Variants in TWSG1 observed in about 807,000 individuals in gnomAD.
TWSG1 encodes the protein twisted gastrulation BMP signaling modulator 1, also known as twisted gastrulation protein homolog 1.
Under a neutral mutation model 23.0 loss-of-function variants are expected in TWSG1, and 15 were observed. The ratio of observed to expected loss-of-function variants is 0.65; its 90% CI spans 0.44 to 1.00. TWSG1 has a LOEUF of 1.00. TWSG1 is among the 50% of genes least tolerant of loss of function. The pLI is 0.00. For synonymous variants in TWSG1, 86 were observed against 92.8 expected (o/e 0.93, Z 0.42); for missense variants, 242 against 278.7 (o/e 0.87, Z 0.94).
rs183181464 is a variant in TWSG1, at chr18:9,377,240, A to G, written c.223+17169A>G. 2.3e-3 allele frequency among the ~76,000 whole-genome samples: 335 copies of G among 143,414 alleles called. 3 individuals are homozygous for G. The highest frequency in any genetic ancestry group is 0.021 in the Middle Eastern group (6 of 282). 94.1% of individuals were successfully genotyped at this position (143,414 alleles called of 152,430 possible). A position where few individuals can be genotyped will look rare whatever the true frequency, so the allele number is the denominator to read the frequency against. On this transcript the variant is annotated intron_variant, in intron 3 of 4. Coordinates refer to ENST00000262120, the MANE Select transcript of TWSG1 (RefSeq NM_020648.6). ...CTTTTTCTTTTTTTTTTTTGGGGGG[A>G]CAGAGTCTTGCTCTGTTGCCCAGGC...
intron 4 of TWSG1, 155 bp downstream of exon 4, chr18:9,396,701 A>T (rs1305714646): frequency 1.1e-5 from 10 of 925,698 alleles, no homozygotes; most frequent in Non-Finnish European, 1.6e-5. Context: ...CCCTGATCCC[A>T]TCATATCTAG....
Position 9,344,946 on chromosome 18 carries a change from G to T in TWSG1, c.123+7594G>T, listed in dbSNP as rs1263343312. ...AAATTTTTAAATTCTTTATAGGGAT[G>T]GGGGGTCTCACTGTATTGCCCAGGC... is the stretch of plus-strand genomic sequence containing the variant. On this transcript the variant is annotated intron_variant, in intron 2 of 4. Transcript: ENST00000262120. Among the ~76,000 whole-genome samples, 4 of 151,964 alleles carry T rather than the reference G, an allele frequency of 2.6e-5. No individual in the cohort carries two copies. The East Asian group carries it at 5.8e-4, about 22-fold the overall frequency.
At position 9,344,517 on chromosome 18, in the gene TWSG1, G is replaced by A. The variant is rs199629854; in HGVS notation, c.123+7165G>A. ...TGTGTGTGTGTGTGTGTGTGTGTGT[G>A]TGTGTATGTATGTATTTTTTTTTTT... On this transcript the variant is annotated intron_variant, in intron 2 of 4. Coordinates refer to ENST00000262120, the MANE Select transcript of TWSG1 (RefSeq NM_020648.6). 6.3e-4 allele frequency among the ~76,000 whole-genome samples: 67 copies of A among 105,822 alleles called. 1 individual carries two copies. The highest frequency in any genetic ancestry group is 5.5e-4 in the East Asian group (1 of 1,826). 69.4% of individuals were successfully genotyped at this position (105,822 alleles called of 152,430 possible).
intron 3 of TWSG1, among the ~76,000 whole-genome samples, chr18:9,361,571 G>C (rs1219612766): frequency 6.6e-6 from 1 of 152,208 alleles, no homozygotes; most frequent in Non-Finnish European, 1.5e-5. Context: ...TCCCTTTAGG[G>C]TTGCACATTT....
intron 2 of TWSG1, among the ~76,000 whole-genome samples, chr18:9,340,139 C>A (rs1032634090): frequency 6.6e-6 from 1 of 151,874 alleles, no homozygotes; most frequent in Non-Finnish European, 1.5e-5. Flanking sequence ...AAGGCCGAGG[C>A]GGGCGGATCA....
chr18:9,335,191 C>A (rs1009952070), intron 1 of TWSG1, among the ~76,000 whole-genome samples: 3 of 152,104 alleles, frequency 2.0e-5, no homozygotes, highest in African/African-American at 7.2e-5. Flanking sequence ...GTCGGCCGAG[C>A]CGGGGTGGGG....
chr18:9,364,890 T>A (rs867212968), intron 3 of TWSG1, among the ~76,000 whole-genome samples: 1 of 152,208 alleles, frequency 6.6e-6, no homozygotes, highest in Non-Finnish European at 1.5e-5. Flanking sequence ...TTCTGTATAA[T>A]GTAAATGGAA....
rs182036333 is a variant in TWSG1, at chr18:9,345,666, T to C, written c.123+8314T>C. Among the ~76,000 whole-genome samples the C allele has an allele frequency of 2.0e-3, 301 of 152,362 alleles. 2 individuals carry two copies. The highest frequency in any genetic ancestry group is 6.4e-3 in the African/African-American group (268 of 41,590). Reference sequence around the variant, plus strand: ...GTCTTGATTATGTAGTTTTGTAGTATGTTTTGAAATCAGGAAGTCTGAGTT... The same window carrying C: ...GTCTTGATTATGTAGTTTTGTAGTACGTTTTGAAATCAGGAAGTCTGAGTT... On this transcript the variant is annotated intron_variant, in intron 2 of 4. Coordinates refer to ENST00000262120, the MANE Select transcript of TWSG1 (RefSeq NM_020648.6).
intron 3 of TWSG1, among the ~76,000 whole-genome samples, chr18:9,376,144 T>A (rs2040629434): frequency 6.6e-6 from 1 of 152,170 alleles, no homozygotes; most frequent in African/African-American, 2.4e-5. Context: ...TTCAAACTCC[T>A]GACCTCAAGT....
At chr18:9,365,176 A>T (rs2040572128) in intron 3 of TWSG1, among the ~76,000 whole-genome samples, 1 of 151,974 alleles carries the variant, frequency 6.6e-6, no homozygotes, top group Non-Finnish European at 1.5e-5. Context: ...AAAATTAATT[A>T]GTTGGGTGTG....
chr18:9,382,706 C>CT (rs1388602853), intron 3 of TWSG1, among the ~76,000 whole-genome samples: 3 of 150,862 alleles, frequency 2.0e-5, no homozygotes, highest in Non-Finnish European at 4.4e-5. Flanking sequence ...ACTCAGGAGT[C>CT]TAAGGCAGGA....
chr18:9,383,050 A>G (rs905859017), intron 3 of TWSG1, among the ~76,000 whole-genome samples: 3 of 152,044 alleles, frequency 2.0e-5, no homozygotes, highest in Non-Finnish European at 2.9e-5. Flanking sequence ...AAATAAGGAG[A>G]AGGGTAGAGA....
intron 3 of TWSG1, among the ~76,000 whole-genome samples, chr18:9,378,722 A>G (rs1300771859): frequency 1.3e-5 from 2 of 152,108 alleles, no homozygotes; most frequent in African/African-American, 4.8e-5. Context: ...CTGTAATCCC[A>G]GCACCTTGGG....
At chr18:9,339,641 A>C (rs2040437327) in intron 2 of TWSG1, among the ~76,000 whole-genome samples, 1 of 152,194 alleles carries the variant, frequency 6.6e-6, no homozygotes, top group East Asian at 1.9e-4. Flanking sequence ...TTAAAAAATT[A>C]CAATTACAAA....
chr18:9,371,810 C>T (rs1413026390), intron 3 of TWSG1, among the ~76,000 whole-genome samples: 4 of 135,734 alleles, frequency 2.9e-5, no homozygotes, highest in South Asian at 2.2e-4. Flanking sequence ...CTCGCACTGT[C>T]GCCTGGGCTG....
chr18:9,382,783 G>A (rs1222883557), intron 3 of TWSG1, among the ~76,000 whole-genome samples: 1 of 143,582 alleles, frequency 7.0e-6, no homozygotes, highest in Non-Finnish European at 1.5e-5. Flanking sequence ...CTCCAGCCTG[G>A]GTGACAGAGT....
chr18:9,399,445 A>G lies in TWSG1; in HGVS notation c.590A>G (p.His197Arg). The G allele has an allele frequency of 6.2e-7, 1 of 1,614,168 alleles. No homozygotes were observed. The highest frequency in any genetic ancestry group is 8.5e-7 in the Non-Finnish European group (1 of 1,180,008). Residue 197 changes from histidine (H) to arginine (R), a missense_variant, in exon 5 of 5, where the codon CAT becomes CGT. By Grantham distance (29) the His-to-Arg change is conservative. Transcript: ENST00000262120. Reference protein sequence around the residue: ...SMGASKYRWFHNACCECIGPE... With the variant: ...SMGASKYRWFRNACCECIGPE... ...GGAGCATCCAAATATCGCTGGTTTC[A>G]TAATGCCTGCTGCGAGTGCATTGGT...
chr18:9,395,847 G>A (rs192982639), intron 3 of TWSG1, among the ~76,000 whole-genome samples: 5 of 152,298 alleles, frequency 3.3e-5, no homozygotes, highest in East Asian at 1.9e-4. Context: ...GATTATAGGC[G>A]TGAGCCACTG....
intron 2 of TWSG1, among the ~76,000 whole-genome samples, chr18:9,354,949 G>C (rs2040518108): frequency 6.6e-6 from 1 of 151,882 alleles, no homozygotes; most frequent in South Asian, 2.1e-4. Flanking sequence ...GAAACAGCTA[G>C]GGGTAAAGTT....
Sources: gnomAD v4.1 joint callset for allele counts (sites outside exome capture counted in the v4.1 genomes callset) on GRCh38, gnomAD v4.1.1 for gene constraint, MANE v1.5 for transcripts, NCBI Gene and HGNC (gene_info 2026-07-23, HGNC 2026-07-21) for gene names.